The following TSPAN14 variants were observed in gnomAD, a reference collection of about 807,000 sequenced individuals.
TSPAN14 encodes tetraspanin-14.
In TSPAN14, 16 loss-of-function variants were observed where a neutral mutation model predicts 36.6. That is an observed-to-expected ratio of 0.44 (90% confidence interval 0.30 to 0.66). The LOEUF is 0.66. Among genes scored for constraint, TSPAN14 ranks in the 30% least tolerant of loss-of-function variants. The pLI is 0.12. For synonymous variants in TSPAN14, 139 were observed against 143.8 expected, an observed-to-expected ratio of 0.97 and a Z score of 0.24; for missense variants, 231 against 355.1, an observed-to-expected ratio of 0.65 and a Z score of 2.81.
At chr10:80,511,900 C>T (rs1282483197) in intron 5 of TSPAN14, among the ~76,000 whole-genome samples, 1 of 151,846 alleles carries the variant, frequency 6.6e-6, no homozygotes, top group Non-Finnish European at 1.5e-5. Context: ...ATCTTCCCAC[C>T]TCAACCTCCC....
At chr10:80,478,450 G>C (rs557944918) in intron 1 of TSPAN14, among the ~76,000 whole-genome samples, 2 of 152,292 alleles carry the variant, frequency 1.3e-5, no homozygotes, top group East Asian at 3.9e-4. Context: ...AAATCATTGA[G>C]GAAAATATTG....
intron 2 of TSPAN14, among the ~76,000 whole-genome samples, chr10:80,495,584 A>T (rs1242377898): frequency 6.6e-6 from 1 of 152,106 alleles, no homozygotes; most frequent in Non-Finnish European, 1.5e-5. Context: ...GTGCTCTGAG[A>T]TTATTGCCTG....
At chr10:80,500,403 C>T (rs947827154) in intron 2 of TSPAN14, among the ~76,000 whole-genome samples, 6 of 141,392 alleles carry the variant, frequency 4.2e-5, no homozygotes, top group Non-Finnish European at 9.1e-5. Context: ...GATCTTGGCT[C>T]ACCGCAACCT....
chr10:80,492,427 G>A (rs1589273806), intron 2 of TSPAN14, among the ~76,000 whole-genome samples: 1 of 152,216 alleles, frequency 6.6e-6, no homozygotes, highest in African/African-American at 2.4e-5. Flanking sequence ...CAGCAGGCAA[G>A]TTTGAATGTG....
At chr10:80,501,102 G>A (rs1025306841) in intron 2 of TSPAN14, among the ~76,000 whole-genome samples, 1 of 129,596 alleles carries the variant, frequency 7.7e-6, no homozygotes, top group Non-Finnish European at 1.6e-5. Context: ...TGGAACTGAC[G>A]CTGTTTTTTT....
intron 1 of TSPAN14, among the ~76,000 whole-genome samples, chr10:80,454,960 G>A (rs1377916969): frequency 2.6e-5 from 4 of 152,244 alleles, no homozygotes; most frequent in Non-Finnish European, 5.9e-5. Flanking sequence ...GTTTGGGACG[G>A]CCGGAGTTTG....
At position 80,504,197 on chromosome 10, in the gene TSPAN14, C is replaced by T. The variant is rs569296358; in HGVS notation, c.82-531C>T. ...GCCCTGGCCAGTGAATGGCCTGGGC[C>T]ACTGGATAGCTGCTTATCTGTGCCT... On this transcript the variant is annotated intron_variant, in intron 2 of 8. Coordinates refer to ENST00000429989, the Ensembl canonical transcript of TSPAN14. Among the ~76,000 whole-genome samples the T allele has an allele frequency of 2.1e-4, 32 of 152,328 alleles. 1 individual carries two copies. The highest frequency in any genetic ancestry group is 2.0e-3 in the Admixed American group (31 of 15,302).
chr10:80,489,314 G>A lies in TSPAN14; in HGVS notation c.81G>A (p.Trp27Ter). 6.4e-7 allele frequency: 1 copy of A among 1,559,808 alleles called. No homozygotes were observed. Among genetic ancestry groups the A allele is most frequent in the Non-Finnish European group, 8.7e-7 (1 of 1,147,530 alleles). The change falls in exon 2 of 9, where the codon TGG becomes TGA. Residue 27 changes from tryptophan to a stop codon, truncating the protein, a stop_gained and splice_region_variant. Coordinates refer to ENST00000429989, the Ensembl canonical transcript of TSPAN14. LOFTEE classifies it high-confidence loss of function. ...TTTTCAGCTACAACATCATCTTCTGGGTAAGTGGATGAGAGCTGCCACATT... is the reference window on the plus strand; with the variant it reads ...TTTTCAGCTACAACATCATCTTCTGAGTAAGTGGATGAGAGCTGCCACATT...
intron 1 of TSPAN14, among the ~76,000 whole-genome samples, chr10:80,458,623 T>C (rs900403045): frequency 9.2e-5 from 14 of 152,210 alleles, no homozygotes; most frequent in Non-Finnish European, 2.1e-4. Flanking sequence ...GGGAGCTGCG[T>C]AGAATGAAGT....
intron 1 of TSPAN14, among the ~76,000 whole-genome samples, chr10:80,454,743 C>G (rs1170853506): frequency 6.6e-6 from 1 of 152,198 alleles, no homozygotes; most frequent in African/African-American, 2.4e-5. Flanking sequence ...TGGACGGCCG[C>G]TGCTGCTCGG....
intron 3 of TSPAN14, among the ~76,000 whole-genome samples, chr10:80,506,581 C>T (rs1315108775): frequency 3.3e-5 from 5 of 152,200 alleles, no homozygotes; most frequent in South Asian, 2.1e-4. Flanking sequence ...TTTACAAACC[C>T]TATGGAACTG....
intron 2 of TSPAN14, among the ~76,000 whole-genome samples, chr10:80,504,243 G>C (rs1350464517): frequency 6.6e-6 from 1 of 152,232 alleles, no homozygotes; most frequent in African/African-American, 2.4e-5. Context: ...TCCAGGGCTG[G>C]AGAGCTGGGG....
intron 1 of TSPAN14, among the ~76,000 whole-genome samples, chr10:80,466,259 T>G (rs890619374): frequency 2.0e-5 from 3 of 152,146 alleles, no homozygotes; most frequent in African/African-American, 7.2e-5. Context: ...GTCCTCATTT[T>G]ATTTTATTTT....
intron 2 of TSPAN14, among the ~76,000 whole-genome samples, chr10:80,490,714 T>C (rs1847880573): frequency 6.6e-6 from 1 of 152,138 alleles, no homozygotes; most frequent in Non-Finnish European, 1.5e-5. Flanking sequence ...TTGACAGTTC[T>C]TCCAAGGATG....
chr10:80,463,428 T>C (rs1162379648), intron 1 of TSPAN14, among the ~76,000 whole-genome samples: 1 of 152,266 alleles, frequency 6.6e-6, no homozygotes, highest in East Asian at 1.9e-4. Flanking sequence ...TGTCACCAGA[T>C]GTTCAGTGCC....
At chr10:80,520,655 T>G (rs1378367622) in exon 9 of TSPAN14, 3 of 533,490 alleles carry the variant, frequency 5.6e-6, no homozygotes, top group Non-Finnish European at 1.2e-5. Context: ...TCGCTGGCCT[T>G]CCTTTCCCAT....
intron 1 of TSPAN14, among the ~76,000 whole-genome samples, chr10:80,480,132 T>C (rs952377756): frequency 4.0e-5 from 6 of 151,444 alleles, no homozygotes; most frequent in African/African-American, 9.8e-5. Flanking sequence ...GTGATTTTTG[T>C]ACATTGATTT....
intron 1 of TSPAN14, among the ~76,000 whole-genome samples, chr10:80,456,820 T>G (rs988978920): frequency 6.6e-6 from 1 of 152,202 alleles, no homozygotes; most frequent in Admixed American, 6.5e-5. Context: ...CCCAGCACTT[T>G]GGGAGGCCGA....
intron 6 of TSPAN14, among the ~76,000 whole-genome samples, chr10:80,512,554 C>A (rs1378325997): frequency 6.6e-6 from 1 of 152,252 alleles, no homozygotes; most frequent in Non-Finnish European, 1.5e-5. Context: ...TGGCCAAGAG[C>A]TATGAGTGAA....
Sources: allele counts gnomAD v4.1 joint callset (sites outside exome capture counted in the v4.1 genomes callset), GRCh38; gene constraint gnomAD v4.1.1; transcripts MANE v1.5; gene names NCBI Gene and HGNC (gene_info 2026-07-23, HGNC 2026-07-21).